Variants in ERICH2 observed in about 807,000 individuals in gnomAD.
ERICH2 encodes the protein glutamate-rich protein 2.
Under a neutral mutation model 17.4 loss-of-function variants are expected in ERICH2, and 17 were observed. That is an observed-to-expected ratio of 0.98 (90% CI 0.67 to 1.47). The LOEUF is 1.47. Ranked by LOEUF, ERICH2 falls within the 40% of genes most tolerant of loss-of-function variation. The pLI is 0.00. For synonymous variants in ERICH2, 51 were observed against 61.1 expected (o/e 0.83, Z 0.77); for missense variants, 186 against 183.2 (o/e 1.01, Z -0.09).
At chr2:170,779,728 G>GTGTT (rs1255675761), upstream of ERICH2, 2 of 497,728 alleles carry the variant, frequency 4.0e-6, no homozygotes, top group African/African-American at 2.1e-5. Context: ...ACATAATCAC[G>GTGTT]TGTTTTATCA....
intron 3 of ERICH2, among the ~76,000 whole-genome samples, chr2:170,795,450 G>A (rs1701393102): frequency 6.6e-6 from 1 of 152,180 alleles, no homozygotes; most frequent in East Asian, 1.9e-4. Flanking sequence ...CATGCTCAAG[G>A]GATCCTACCA....
Position 170,792,856 on chromosome 2 carries a change from T to G in ERICH2, c.217-7T>G, listed in dbSNP as rs1372759972. On this transcript the variant is annotated splice_polypyrimidine_tract_variant and splice_region_variant and intron_variant, in intron 2 of 4. Coordinates refer to ENST00000409885, the Ensembl canonical transcript of ERICH2. ...TTCACTTATCTGAAGAATTTAATGT[T>G]TTCCAGTTTCTGAGAGCAGAAATGG... is the stretch of plus-strand genomic sequence containing the variant. 6.0e-6 allele frequency: 9 copies of G among 1,498,742 alleles called. No individual in the cohort carries two copies. Among genetic ancestry groups the G allele is most frequent in the Non-Finnish European group, 8.1e-6 (9 of 1,116,804 alleles). 92.8% of individuals were successfully genotyped at this position (1,498,742 alleles called of 1,614,324 possible).
At chr2:170,784,253 C>T (rs184801374) in intron 1 of ERICH2, among the ~76,000 whole-genome samples, 71 of 152,256 alleles carry the variant, frequency 4.7e-4, no homozygotes, top group African/African-American at 1.6e-3. Context: ...AGTATTTCCC[C>T]AGGAGATGAT....
intron 3 of ERICH2, among the ~76,000 whole-genome samples, chr2:170,794,355 G>C (rs1701367686): frequency 1.3e-5 from 2 of 151,878 alleles, no homozygotes; most frequent in Admixed American, 1.3e-4. Flanking sequence ...TGATTCTCCT[G>C]CCTCAGCCTC....
intron 2 of ERICH2, among the ~76,000 whole-genome samples, chr2:170,787,734 T>C (rs940659926): frequency 3.3e-5 from 5 of 152,206 alleles, no homozygotes; most frequent in South Asian, 2.1e-4. Flanking sequence ...GTCCAAACTA[T>C]GTTATTTCAA....
intron 3 of ERICH2, among the ~76,000 whole-genome samples, chr2:170,794,039 G>A (rs193241609): frequency 5.5e-4 from 82 of 148,792 alleles, no homozygotes; most frequent in Non-Finnish European, 9.7e-4. Context: ...CTCAGCTCTA[G>A]TGTGTTTTGT....
At chr2:170,780,108 A>G (rs1700994208), upstream of ERICH2, among the ~76,000 whole-genome samples, 2 of 152,190 alleles carry the variant, frequency 1.3e-5, no homozygotes, top group Non-Finnish European at 2.9e-5. Flanking sequence ...TAACTCTGTA[A>G]TTTTATTAAG....
the ERICH2 span, among the ~76,000 whole-genome samples, chr2:170,774,297 A>G: frequency 6.6e-6 from 1 of 152,194 alleles, no homozygotes; most frequent in African/African-American, 2.4e-5. Context: ...AATCATCCCC[A>G]TAGGACATCT....
At chr2:170,796,428 G>GTTTTTTTTTTTTTTTTTTTTT (rs869301301) in intron 3 of ERICH2, among the ~76,000 whole-genome samples, 2 of 114,554 alleles carry the variant, frequency 1.7e-5, no homozygotes, top group Admixed American at 1.0e-4. Context: ...CTCTCTCTTT[G>GTTTTTTTTTTTTTTTTTTTTT]TTTTTTTTTT....
At chr2:170,784,657 A>G (rs930206879) in exon 2 of ERICH2, 5 of 1,512,322 alleles carry the variant, frequency 3.3e-6, no homozygotes, top group Non-Finnish European at 4.4e-6. Context: ...TGAAGTGAGC[A>G]AAGATGCAGT....
At chr2:170,789,616 C>T (rs1195755492) in intron 2 of ERICH2, among the ~76,000 whole-genome samples, 2 of 152,120 alleles carry the variant, frequency 1.3e-5, no homozygotes, top group African/African-American at 4.8e-5. Flanking sequence ...AGATAATTCT[C>T]ATCAAGGGCT....
the ERICH2 span, among the ~76,000 whole-genome samples, chr2:170,774,630 C>A: frequency 0.67 from 99,157 of 147,518 alleles, 33,597 homozygotes; most frequent in East Asian, 0.78. Flanking sequence ...CAGTGGCACG[C>A]TCTCGGCTCA....
chr2:170,789,309 A>G (rs1336308141), intron 2 of ERICH2, among the ~76,000 whole-genome samples: 2 of 152,166 alleles, frequency 1.3e-5, no homozygotes, highest in African/African-American at 4.8e-5. Context: ...GGTTGTAGAC[A>G]TCATGAAACT....
the ERICH2 span, chr2:170,777,511 T>C: frequency 9.3e-7 from 1 of 1,078,968 alleles, no homozygotes; most frequent in Non-Finnish European, 1.2e-6. Flanking sequence ...TTGAGTGTCA[T>C]TGAATGACTT....
intron 3 of ERICH2, among the ~76,000 whole-genome samples, chr2:170,793,219 A>G (rs1201946989): frequency 6.6e-6 from 1 of 152,256 alleles, no homozygotes; most frequent in Non-Finnish European, 1.5e-5. Context: ...GTTTCAAAGA[A>G]GTGTCAGGTG....
upstream of ERICH2, chr2:170,782,357 T>C (rs1317270925): frequency 1.1e-5 from 11 of 983,160 alleles, no homozygotes; most frequent in Non-Finnish European, 1.3e-5. Context: ...CAGTCTGACC[T>C]ATTGTCATCT....
At chr2:170,775,993 G>A in the ERICH2 span, among the ~76,000 whole-genome samples, 2 of 152,050 alleles carry the variant, frequency 1.3e-5, no homozygotes, top group South Asian at 2.1e-4. Flanking sequence ...GTTTGGGTGT[G>A]GGAACAAGTG....
At chr2:170,776,105 G>A in the ERICH2 span, among the ~76,000 whole-genome samples, 1 of 151,904 alleles carries the variant, frequency 6.6e-6, no homozygotes, top group African/African-American at 2.4e-5. Flanking sequence ...TTAACTATGA[G>A]AATGAAATTT....
exon 4 of ERICH2, chr2:170,798,102 G>A (rs1701473404): frequency 6.5e-7 from 1 of 1,543,748 alleles, no homozygotes; most frequent in Non-Finnish European, 8.8e-7. Flanking sequence ...TTGAAGAAAT[G>A]TTGCTGATGG....
Sources: gnomAD v4.1 joint callset for allele counts (sites outside exome capture counted in the v4.1 genomes callset) on GRCh38, gnomAD v4.1.1 for gene constraint, MANE v1.5 for transcripts, NCBI Gene and HGNC (gene_info 2026-07-23, HGNC 2026-07-21) for gene names.